Variants in HPSE2 observed in about 807,000 individuals in gnomAD.
HPSE2 encodes the protein heparanase 2 (inactive).
Under a neutral mutation model 60.5 loss-of-function variants are expected in HPSE2, and 38 were observed. The ratio of observed to expected loss-of-function variants is 0.63; its 90% confidence interval spans 0.48 to 0.82. The LOEUF (loss-of-function observed/expected upper bound fraction) is 0.82, where lower values mean the gene tolerates loss of function less well. HPSE2 is among the 40% of genes least tolerant of loss of function. The pLI is 0.00. For synonymous variants in HPSE2, 295 were observed against 293.2 expected (o/e 1.01, Z -0.06); for missense variants, 713 against 740.4 (o/e 0.96, Z 0.43).
intron 3 of HPSE2, among the ~76,000 whole-genome samples, chr10:98,973,470 C>T (rs1474780911): frequency 6.6e-6 from 1 of 152,176 alleles, no homozygotes; most frequent in African/African-American, 2.4e-5. Flanking sequence ...CATTGTATTA[C>T]CATCTGAGAA....
intron 7 of HPSE2, among the ~76,000 whole-genome samples, chr10:98,627,959 G>C (rs1293554669): frequency 6.6e-6 from 1 of 152,168 alleles, no homozygotes; most frequent in Non-Finnish European, 1.5e-5. Context: ...ATCATTCAGA[G>C]TAGTTCATTT....
chr10:98,973,661 G>T (rs1956014307), intron 3 of HPSE2, among the ~76,000 whole-genome samples: 1 of 152,074 alleles, frequency 6.6e-6, no homozygotes, highest in Non-Finnish European at 1.5e-5. Context: ...TATAACAAAA[G>T]GTAAATCTTA....
At chr10:98,945,285 A>G (rs1311893510) in intron 3 of HPSE2, among the ~76,000 whole-genome samples, 3 of 152,154 alleles carry the variant, frequency 2.0e-5, no homozygotes, top group Non-Finnish European at 4.4e-5. Context: ...TAATTCCCCA[A>G]GTTGTTTTTA....
chr10:99,268,044 C>G, the HPSE2 span, among the ~76,000 whole-genome samples: 133,311 of 152,142 alleles, frequency 0.88, 58,613 homozygotes, highest in African/African-American at 0.94. Flanking sequence ...CTTAAGAGCT[C>G]TGAGGCAAGA....
At chr10:99,132,132 GGAAA>G (rs1364177793) in intron 3 of HPSE2, among the ~76,000 whole-genome samples, 2 of 111,628 alleles carry the variant, frequency 1.8e-5, no homozygotes, top group African/African-American at 6.4e-5. Context: ...AAGAAAGAAA[GGAAA>G]GAAAGAAAGG....
rs1565160248 is a variant in HPSE2, at chr10:98,782,917, T to TCA, written c.611-38862_611-38861insTG. The stretch of plus-strand genomic sequence containing the variant: ...GTCTACTTCCCTGTTTGTTTATTTT[T>TCA]TTTTTTTTATTTTTTTTTTTAATGT... On this transcript the variant is annotated intron_variant, in intron 3 of 11. Transcript: ENST00000370552. Among the ~76,000 whole-genome samples, 22 of 40,816 alleles carry TCA rather than the reference T, an allele frequency of 5.4e-4. 1 individual carries two copies. The highest frequency in any genetic ancestry group is 0.021 in the Middle Eastern group (2 of 94). The allele number at this position is 40,816 out of a possible 152,430, so 26.8% of individuals were successfully genotyped here.
chr10:99,044,887 A>G (rs182009595), intron 3 of HPSE2, among the ~76,000 whole-genome samples: 12 of 152,312 alleles, frequency 7.9e-5, no homozygotes, highest in Non-Finnish European at 1.6e-4. Context: ...TTGGCCCACA[A>G]AAAGACTTAA....
intron 2 of HPSE2, among the ~76,000 whole-genome samples, chr10:99,204,473 C>T (rs1438032872): frequency 2.0e-5 from 3 of 152,112 alleles, no homozygotes; most frequent in Non-Finnish European, 1.5e-5. Context: ...AATGCACAGA[C>T]ATCAATGTAA....
chr10:99,245,186 C>T, the HPSE2 span, among the ~76,000 whole-genome samples: 3 of 152,042 alleles, frequency 2.0e-5, no homozygotes, highest in East Asian at 3.9e-4. Context: ...ATGAAAATAA[C>T]GTGCAAGCCT....
intron 3 of HPSE2, among the ~76,000 whole-genome samples, chr10:98,989,498 G>C (rs1956467855): frequency 6.8e-6 from 1 of 146,974 alleles, no homozygotes. Context: ...GACTGTTGTG[G>C]GGTGGGGGGA....
intron 3 of HPSE2, among the ~76,000 whole-genome samples, chr10:98,846,247 A>G (rs1952031797): frequency 6.6e-6 from 1 of 152,228 alleles, no homozygotes; most frequent in Admixed American, 6.5e-5. Context: ...ATTTTTGATA[A>G]CTATGTCATG....
intron 3 of HPSE2, among the ~76,000 whole-genome samples, chr10:99,032,755 C>A (rs1367586090): frequency 6.6e-6 from 1 of 152,152 alleles, no homozygotes; most frequent in Non-Finnish European, 1.5e-5. Context: ...GAGTCTATTT[C>A]TTTTCCTTTT....
At chr10:99,280,662 A>G in the HPSE2 span, among the ~76,000 whole-genome samples, 1 of 152,130 alleles carries the variant, frequency 6.6e-6, no homozygotes, top group African/African-American at 2.4e-5. Context: ...CCTACTTTGC[A>G]TATGTAACAC....
intron 5 of HPSE2, among the ~76,000 whole-genome samples, chr10:98,700,487 A>C (rs1299282454): frequency 6.9e-6 from 1 of 145,564 alleles, no homozygotes; most frequent in East Asian, 2.1e-4. Flanking sequence ...TTATACAAAA[A>C]TTAATTCAAG....
intron 9 of HPSE2, among the ~76,000 whole-genome samples, chr10:98,520,015 G>A (rs1365138884): frequency 1.3e-5 from 2 of 152,174 alleles, no homozygotes; most frequent in Non-Finnish European, 2.9e-5. Flanking sequence ...TAACAAATAT[G>A]TAAAAAAATA....
chr10:99,114,282 T>C (rs776589814), intron 3 of HPSE2, among the ~76,000 whole-genome samples: 23 of 152,192 alleles, frequency 1.5e-4, no homozygotes, highest in Non-Finnish European at 2.9e-5. Context: ...CAACCAAATC[T>C]GGAAAGAGCT....
intron 2 of HPSE2, among the ~76,000 whole-genome samples, chr10:99,217,317 T>A (rs2133921878): frequency 6.6e-6 from 1 of 151,384 alleles, no homozygotes; most frequent in Non-Finnish European, 1.5e-5. Context: ...TCTTACTAGA[T>A]CCACTGGCGA....
intron 3 of HPSE2, among the ~76,000 whole-genome samples, chr10:99,089,242 T>A (rs1053890569): frequency 6.6e-6 from 1 of 152,240 alleles, no homozygotes; most frequent in East Asian, 1.9e-4. Context: ...CATAAACTCT[T>A]TGCATAAGCC....
At chr10:98,522,074 G>A (rs1234434605) in intron 9 of HPSE2, among the ~76,000 whole-genome samples, 1 of 151,718 alleles carries the variant, frequency 6.6e-6, no homozygotes, top group African/African-American at 2.4e-5. Flanking sequence ...CATGGCACAT[G>A]TACACCTATT....
Sources: gnomAD v4.1 joint callset for allele counts (sites outside exome capture counted in the v4.1 genomes callset) on GRCh38, gnomAD v4.1.1 for gene constraint, MANE v1.5 for transcripts, NCBI Gene and HGNC (gene_info 2026-07-23, HGNC 2026-07-21) for gene names.